The following PPP2R2B variants were observed in gnomAD, a reference collection of about 807,000 sequenced individuals.
PPP2R2B encodes serine/threonine-protein phosphatase 2A 55 kDa regulatory subunit B beta isoform.
In PPP2R2B, 5 loss-of-function variants were observed where a neutral mutation model predicts 46.0. The ratio of observed to expected loss-of-function variants is 0.11; its 90% CI spans 0.06 to 0.23. The LOEUF (loss-of-function observed/expected upper bound fraction) is 0.23, where lower values mean the gene tolerates loss of function less well. PPP2R2B is among the 10% of genes least tolerant of loss of function. PPP2R2B has a pLI of 1.00. For synonymous variants in PPP2R2B, 215 were observed against 206.7 expected (o/e 1.04, Z -0.34); for missense variants, 367 against 575.0 (o/e 0.64, Z 3.70).
At chr5:146,604,110 G>T (rs1209546480) in intron 7 of PPP2R2B, among the ~76,000 whole-genome samples, 1 of 152,222 alleles carries the variant, frequency 6.6e-6, no homozygotes, top group Non-Finnish European at 1.5e-5. Flanking sequence ...CTCCTAGTGA[G>T]CTCACAGGAT....
chr5:146,986,399 C>G (rs1753430339), intron 1 of PPP2R2B, among the ~76,000 whole-genome samples: 1 of 152,176 alleles, frequency 6.6e-6, no homozygotes, highest in Non-Finnish European at 1.5e-5. Flanking sequence ...AAACTGAGCC[C>G]TGAAACACTT....
intron 1 of PPP2R2B, chr5:147,035,174 T>C: frequency 2.2e-6 from 1 of 452,722 alleles, no homozygotes; most frequent in South Asian, 1.6e-5. Context: ...CTCACAGTTC[T>C]GCATGGCTGG....
intron 1 of PPP2R2B, among the ~76,000 whole-genome samples, chr5:146,973,231 A>G (rs926817316): frequency 6.6e-6 from 1 of 152,082 alleles, no homozygotes; most frequent in Admixed American, 6.6e-5. Context: ...CCATTATTTT[A>G]TCGATGTGCA....
At chr5:146,926,245 T>A (rs1763778784) in intron 1 of PPP2R2B, among the ~76,000 whole-genome samples, 1 of 151,894 alleles carries the variant, frequency 6.6e-6, no homozygotes, top group South Asian at 2.1e-4. Context: ...AATTCTGATA[T>A]TTTTTTTCCC....
chr5:146,783,833 A>T (rs1001609234), intron 2 of PPP2R2B, among the ~76,000 whole-genome samples: 6 of 152,228 alleles, frequency 3.9e-5, no homozygotes, highest in African/African-American at 1.4e-4. Context: ...AAATTTTGCT[A>T]CTGTCTGATC....
chr5:146,607,906 A>G (rs189748297), intron 7 of PPP2R2B: 4 of 152,368 alleles, frequency 2.6e-5, no homozygotes, highest in Admixed American at 2.0e-4. Context: ...AGCATAGACA[A>G]TATGTAAACA....
intron 2 of PPP2R2B, among the ~76,000 whole-genome samples, chr5:146,799,003 T>C (rs192287035): frequency 6.6e-6 from 1 of 152,318 alleles, no homozygotes; most frequent in East Asian, 1.9e-4. Flanking sequence ...AGGTGACAGA[T>C]ACACTGAATA....
chr5:146,942,982 AGAGAC>A (rs1299050027), intron 1 of PPP2R2B, among the ~76,000 whole-genome samples: 6 of 152,106 alleles, frequency 3.9e-5, no homozygotes, highest in African/African-American at 4.8e-5. Flanking sequence ...TGTACTTAGT[AGAGAC>A]AGGGTTTCAC....
chr5:147,077,569 C>T (rs1757827048), intron 2 of PPP2R2B, among the ~76,000 whole-genome samples: 1 of 152,212 alleles, frequency 6.6e-6, no homozygotes, highest in Middle Eastern at 3.4e-3. Flanking sequence ...TTCCTTTCAA[C>T]CAGATTTTTA....
At chr5:146,715,131 T>G (rs1189583647) in intron 2 of PPP2R2B, among the ~76,000 whole-genome samples, 2 of 152,126 alleles carry the variant, frequency 1.3e-5, no homozygotes, top group Non-Finnish European at 2.9e-5. Flanking sequence ...AACCCTACAC[T>G]CTCATCCTTT....
rs1474113776 is a variant in PPP2R2B at position 146,832,385 on chromosome 5, T to A, written c.70+45617A>T. Among the ~76,000 whole-genome samples the A allele has an allele frequency of 1.2e-4, 16 of 130,950 alleles. No individual in the cohort carries two copies. In the East Asian group the frequency reaches 1.3e-3, roughly 11 times the overall value. The allele number at this position is 130,950 out of a possible 152,430, so 85.9% of individuals were successfully genotyped here. A position where few individuals can be genotyped will look rare whatever the true frequency, so the allele number is the denominator to read the frequency against. On this transcript the variant is annotated intron_variant, in intron 2 of 9. Coordinates refer to ENST00000394411, the MANE Select transcript of PPP2R2B (RefSeq NM_181675.4). Reference sequence around the variant, plus strand: ...TAAGTGTGCCATTTTTAATCTTTTTTTTTTTTTTTTTTTTTTTTTTTTTGA... The same window carrying A: ...TAAGTGTGCCATTTTTAATCTTTTTATTTTTTTTTTTTTTTTTTTTTTTGA...
intron 1 of PPP2R2B, among the ~76,000 whole-genome samples, chr5:147,032,714 C>T (rs1329030088): frequency 6.6e-6 from 1 of 152,152 alleles, no homozygotes; most frequent in Non-Finnish European, 1.5e-5. Context: ...GTGTAGTATT[C>T]CATCTTATGT....
intron 2 of PPP2R2B, among the ~76,000 whole-genome samples, chr5:146,833,762 C>A (rs1384797710): frequency 6.6e-6 from 1 of 151,550 alleles, no homozygotes; most frequent in South Asian, 2.1e-4. Context: ...TCCTCCCCCA[C>A]CCCCAGCTGC....
chr5:146,650,744 A>T lies in PPP2R2B; in HGVS notation c.448-20T>A. 6.2e-7 allele frequency: 1 copy of T among 1,608,806 alleles called. No homozygotes were observed. Among genetic ancestry groups the T allele is most frequent in the Non-Finnish European group, 8.5e-7 (1 of 1,177,318 alleles). ...AGGCACCTGGGATGCAAGAGAAACA[A>T]ATCACTTCAGAACCAAAGATCTTCC... On this transcript the variant is annotated intron_variant, in intron 5 of 9. Coordinates refer to ENST00000394411, the MANE Select transcript of PPP2R2B (RefSeq NM_181675.4).
intron 2 of PPP2R2B, among the ~76,000 whole-genome samples, chr5:146,796,571 AC>A (rs1228902501): frequency 6.6e-6 from 1 of 152,230 alleles, no homozygotes; most frequent in Non-Finnish European, 1.5e-5. Flanking sequence ...AAGATAAGCC[AC>A]AGAATATACT....
At chr5:146,716,836 A>C (rs1780526370) in intron 2 of PPP2R2B, among the ~76,000 whole-genome samples, 1 of 152,194 alleles carries the variant, frequency 6.6e-6, no homozygotes, top group Non-Finnish European at 1.5e-5. Context: ...ACTCATTTCT[A>C]TTGGATTATG....
intron 2 of PPP2R2B, among the ~76,000 whole-genome samples, chr5:146,773,971 G>A (rs1253309858): frequency 3.9e-5 from 6 of 152,076 alleles, no homozygotes; most frequent in Non-Finnish European, 7.3e-5. Flanking sequence ...CGTCGTAATA[G>A]GTAATGTCAG....
chr5:146,779,464 C>T (rs1232696814), intron 2 of PPP2R2B, among the ~76,000 whole-genome samples: 3 of 152,070 alleles, frequency 2.0e-5, no homozygotes, highest in Admixed American at 6.6e-5. Flanking sequence ...TGGTGTCAGA[C>T]AAAGAAGCAT....
intron 1 of PPP2R2B, among the ~76,000 whole-genome samples, chr5:147,024,120 T>G (rs1755413799): frequency 6.6e-6 from 1 of 152,192 alleles, no homozygotes; most frequent in South Asian, 2.1e-4. Context: ...GCCTCCATAA[T>G]TGCGTGAGCC....
Sources: gnomAD v4.1 joint callset for allele counts (sites outside exome capture counted in the v4.1 genomes callset) on GRCh38, gnomAD v4.1.1 for gene constraint, MANE v1.5 for transcripts, NCBI Gene and HGNC (gene_info 2026-07-23, HGNC 2026-07-21) for gene names.